Variants in GABBR2 observed in about 807,000 individuals in gnomAD.
GABBR2 encodes the protein G-protein coupled receptor 51.
A neutral mutation model predicts 105.6 loss-of-function variants in GABBR2; 23 were observed. The observed-to-expected ratio is 0.22, with a 90% confidence interval of 0.16 to 0.31. The LOEUF is 0.31. Ranked by LOEUF, GABBR2 falls within the 10% of genes least tolerant of loss-of-function variation. The pLI is 1.00. For missense variants in GABBR2, 734 were observed against 1,245.5 expected, an observed-to-expected ratio of 0.59 and a Z score of 6.18; for synonymous variants, 478 against 499.7, an observed-to-expected ratio of 0.96 and a Z score of 0.58.
intron 7 of GABBR2, among the ~76,000 whole-genome samples, chr9:98,413,203 C>G (rs16915747): frequency 3.9e-5 from 6 of 152,254 alleles, no homozygotes; most frequent in Admixed American, 2.6e-4. Context: ...CCAAGCCCAT[C>G]GTGGACTGTT....
chr9:98,293,998 G>A (rs995569888), intron 17 of GABBR2, 96 bp from the exon 18 acceptor site: 3 of 775,018 alleles, frequency 3.9e-6, no homozygotes, highest in Non-Finnish European at 6.9e-6. Context: ...CCAAGAGACA[G>A]AATGCAAAAG....
At chr9:98,597,144 G>C (rs1190049709) in intron 1 of GABBR2, among the ~76,000 whole-genome samples, 1 of 152,174 alleles carries the variant, frequency 6.6e-6, no homozygotes, top group Non-Finnish European at 1.5e-5. Flanking sequence ...GCTTATCTGA[G>C]ATCTGCAGGC....
intron 6 of GABBR2, among the ~76,000 whole-genome samples, chr9:98,456,741 G>A (rs1208221421): frequency 6.6e-6 from 1 of 152,060 alleles, no homozygotes; most frequent in Non-Finnish European, 1.5e-5. Context: ...TTGACAATAG[G>A]TATTTTCATT....
intron 3 of GABBR2, among the ~76,000 whole-genome samples, chr9:98,534,832 T>G (rs571125743): frequency 6.6e-6 from 1 of 152,338 alleles, no homozygotes; most frequent in East Asian, 1.9e-4. Flanking sequence ...TCTTACAACA[T>G]GAAACATACC....
At chr9:98,365,267 T>TA (rs1297924329) in intron 12 of GABBR2, among the ~76,000 whole-genome samples, 1 of 152,172 alleles carries the variant, frequency 6.6e-6, no homozygotes, top group Admixed American at 6.5e-5. Context: ...TGAGATGAGG[T>TA]ATGGAAAGCA....
chr9:98,363,525 C>T (rs761692427), intron 12 of GABBR2, among the ~76,000 whole-genome samples: 2 of 152,076 alleles, frequency 1.3e-5, no homozygotes, highest in Non-Finnish European at 2.9e-5. Flanking sequence ...GATCTGTTTT[C>T]TCCAGAATTC....
At chr9:98,630,991 C>T (rs1482320043) in intron 1 of GABBR2, among the ~76,000 whole-genome samples, 1 of 152,142 alleles carries the variant, frequency 6.6e-6, no homozygotes. Context: ...TTTGAGACAG[C>T]ACAGATAGAG....
chr9:98,612,090 A>G (rs1049078371), intron 1 of GABBR2, among the ~76,000 whole-genome samples: 2 of 152,330 alleles, frequency 1.3e-5, no homozygotes, highest in East Asian at 1.9e-4. Flanking sequence ...CAGTCTGGAG[A>G]GAGGACAGCC....
intron 1 of GABBR2, among the ~76,000 whole-genome samples, chr9:98,590,006 G>A (rs1055338410): frequency 6.6e-6 from 1 of 152,158 alleles, no homozygotes; most frequent in Admixed American, 6.5e-5. Flanking sequence ...TAGGATAACA[G>A]GCATGAGCCA....
chr9:98,638,627 G>T (rs534517042), intron 1 of GABBR2, among the ~76,000 whole-genome samples: 2 of 152,136 alleles, frequency 1.3e-5, no homozygotes, highest in African/African-American at 4.8e-5. Flanking sequence ...GATAATGAAA[G>T]AATTCTTAAC....
chr9:98,615,674 C>T (rs1247822867), intron 1 of GABBR2, among the ~76,000 whole-genome samples: 1 of 152,162 alleles, frequency 6.6e-6, no homozygotes, highest in Admixed American at 6.5e-5. Context: ...GTGTCGACCC[C>T]CTGCTCTCAA....
At chr9:98,607,515 A>T in intron 1 of GABBR2, 1 of 595,226 alleles carries the variant, frequency 1.7e-6, no homozygotes, top group Non-Finnish European at 3.0e-6. Flanking sequence ...AACATAATAA[A>T]GAAGAAAATA....
intron 8 of GABBR2, among the ~76,000 whole-genome samples, chr9:98,400,712 C>T (rs1206133345): frequency 6.6e-6 from 1 of 152,136 alleles, no homozygotes; most frequent in African/African-American, 2.4e-5. Context: ...TAGAAGCACA[C>T]CCAGGACCAT....
chr9:98,441,851 G>T (rs1826036935), intron 7 of GABBR2, among the ~76,000 whole-genome samples: 1 of 152,158 alleles, frequency 6.6e-6, no homozygotes. Flanking sequence ...AAACGATAGG[G>T]TTAAGAAGAT....
intron 3 of GABBR2, among the ~76,000 whole-genome samples, chr9:98,529,925 T>C (rs972282705): frequency 1.3e-4 from 20 of 152,216 alleles, no homozygotes; most frequent in African/African-American, 4.8e-4. Context: ...ATTCTGTTCA[T>C]GGAGCTATCG....
chr9:98,307,864 C>T (rs1316781284), intron 14 of GABBR2, among the ~76,000 whole-genome samples: 1 of 152,208 alleles, frequency 6.6e-6, no homozygotes, highest in Non-Finnish European at 1.5e-5. Context: ...TTGTTTTCCT[C>T]TCCCTTGTCT....
chr9:98,653,288 C>T (rs1310688209), intron 1 of GABBR2, among the ~76,000 whole-genome samples: 1 of 152,232 alleles, frequency 6.6e-6, no homozygotes, highest in Non-Finnish European at 1.5e-5. Context: ...CATGAGCCAT[C>T]GCACCTAGCC....
At chr9:98,497,535 G>A (rs1158676522) in intron 3 of GABBR2, among the ~76,000 whole-genome samples, 1 of 152,112 alleles carries the variant, frequency 6.6e-6, no homozygotes, top group Non-Finnish European at 1.5e-5. Context: ...CTGGATTTTG[G>A]GTTTTAGTAG....
chr9:98,536,481 C>T (rs567929064), intron 3 of GABBR2, among the ~76,000 whole-genome samples: 1 of 152,082 alleles, frequency 6.6e-6, no homozygotes, highest in Non-Finnish European at 1.5e-5. Flanking sequence ...GGGAGAGACC[C>T]AAATGTCTCT....
Sources: allele counts gnomAD v4.1 joint callset (sites outside exome capture counted in the v4.1 genomes callset), GRCh38; gene constraint gnomAD v4.1.1; transcripts MANE v1.5; gene names NCBI Gene and HGNC (gene_info 2026-07-23, HGNC 2026-07-21).